The following SYT1 variants were observed in gnomAD, a reference collection of about 807,000 sequenced individuals.
SYT1 encodes the protein synaptotagmin-1.
SYT1 carries 8 observed loss-of-function variants against 44.8 expected under a neutral mutation model. The ratio of observed to expected loss-of-function variants is 0.18; its 90% CI spans 0.10 to 0.32. The LOEUF (loss-of-function observed/expected upper bound fraction) is 0.32. SYT1 is among the 10% of genes least tolerant of loss of function. The probability of loss-of-function intolerance (pLI) is 1.00; values close to 1 mark genes in which losing one functional copy is unlikely to be tolerated. For missense variants in SYT1, 286 were observed against 509.3 expected, an observed-to-expected ratio of 0.56 and a Z score of 4.22; for synonymous variants, 154 against 188.8, an observed-to-expected ratio of 0.82 and a Z score of 1.51.
At chr12:79,045,748 CA>C (rs1250129779) in intron 2 of SYT1, 1 of 152,198 alleles carries the variant, frequency 6.6e-6, no homozygotes, top group African/African-American at 2.4e-5. Context: ...AAAATGAAAT[CA>C]AATCCCCACA....
chr12:78,983,745 G>T (rs1288050188), intron 2 of SYT1, among the ~76,000 whole-genome samples: 1 of 151,970 alleles, frequency 6.6e-6, no homozygotes, highest in African/African-American at 2.4e-5. Flanking sequence ...AATCTTAAGG[G>T]AACATAAAAA....
rs143830141 is a variant in SYT1, at chr12:78,961,568, A to G, written c.-216-16231A>G. ...AGGAGAAGATTTTATCTTTGTAACTATGTCTCCTATAGTAGGTTGATATTT... is the reference window on the plus strand; with the variant it reads ...AGGAGAAGATTTTATCTTTGTAACTGTGTCTCCTATAGTAGGTTGATATTT... On this transcript the variant is annotated intron_variant, in intron 1 of 10. Transcript: ENST00000261205. 3.9e-3 allele frequency among the ~76,000 whole-genome samples: 600 copies of G among 152,100 alleles called. 3 individuals carry two copies. Among genetic ancestry groups the G allele is most frequent in the African/African-American group, 0.014 (571 of 41,514 alleles).
rs555149330 is a variant in SYT1, at chr12:79,183,662, C to T, written c.-17-33841C>T. On this transcript the variant is annotated intron_variant, in intron 3 of 10. Coordinates refer to ENST00000261205, the MANE Select transcript of SYT1 (RefSeq NM_005639.3). ...CCACAGCCCCTCTCCTCCCTCTTACCGTATAGATGGTCCTTTCAAGCTAAT... is the reference window on the plus strand; with the variant it reads ...CCACAGCCCCTCTCCTCCCTCTTACTGTATAGATGGTCCTTTCAAGCTAAT... Among the ~76,000 whole-genome samples the T allele has an allele frequency of 1.4e-4, 21 of 152,138 alleles. No individual in the cohort carries two copies. In the East Asian group the frequency reaches 2.7e-3, roughly 20 times the overall value.
Position 79,450,408 on chromosome 12 carries a change from A to T in SYT1, c.*1284A>T, listed in dbSNP as rs1261414859. 2 of 152,650 alleles carry T rather than the reference A, an allele frequency of 1.3e-5. No homozygotes were observed. The highest frequency in any genetic ancestry group is 4.8e-5 in the African/African-American group (2 of 41,454). 9.5% of individuals were successfully genotyped at this position (152,650 alleles called of 1,614,324 possible). On this transcript the variant is annotated 3_prime_UTR_variant, in exon 11 of 11. Coordinates refer to ENST00000261205, the MANE Select transcript of SYT1 (RefSeq NM_005639.3). Reference sequence around the variant, plus strand: ...AAGTTTTAATTTGTCCTTTAAAAAAAGGTGAAACAAACCAAGAACAAGTTC... The same window carrying T: ...AAGTTTTAATTTGTCCTTTAAAAAATGGTGAAACAAACCAAGAACAAGTTC...
intron 3 of SYT1, among the ~76,000 whole-genome samples, chr12:79,050,989 A>T (rs1156328557): frequency 6.6e-6 from 1 of 151,970 alleles, no homozygotes; most frequent in Non-Finnish European, 1.5e-5. Flanking sequence ...TATCATTTAT[A>T]TATGGCCTGA....
intron 1 of SYT1, among the ~76,000 whole-genome samples, chr12:78,896,331 A>T (rs1216107592): frequency 6.6e-6 from 1 of 151,832 alleles, no homozygotes; most frequent in African/African-American, 2.4e-5. Context: ...TGGAAGAAAG[A>T]ATATATGGAA....
intron 9 of SYT1, among the ~76,000 whole-genome samples, chr12:79,437,872 A>T (rs1467131475): frequency 2.6e-5 from 4 of 152,186 alleles, no homozygotes; most frequent in Non-Finnish European, 5.9e-5. Context: ...TGTTAAAATA[A>T]TGTCAAATCT....
chr12:79,063,561 A>G (rs1426118133), intron 3 of SYT1, among the ~76,000 whole-genome samples: 1 of 152,116 alleles, frequency 6.6e-6, no homozygotes, highest in Non-Finnish European at 1.5e-5. Context: ...TCATTTACAC[A>G]TAAGTGGAGG....
At chr12:79,335,737 C>A (rs780754825) in intron 8 of SYT1, among the ~76,000 whole-genome samples, 1 of 152,202 alleles carries the variant, frequency 6.6e-6, no homozygotes, top group Admixed American at 6.5e-5. Context: ...CTCATGCTAC[C>A]TTTTCCTTAT....
chr12:78,969,301 T>A (rs1592615954), intron 1 of SYT1, among the ~76,000 whole-genome samples: 1 of 152,144 alleles, frequency 6.6e-6, no homozygotes, highest in African/African-American at 2.4e-5. Context: ...CCCCAATAGA[T>A]ACTGAGGAAT....
At chr12:78,975,284 T>C (rs1007248314) in intron 1 of SYT1, among the ~76,000 whole-genome samples, 2 of 152,182 alleles carry the variant, frequency 1.3e-5, no homozygotes, top group Non-Finnish European at 2.9e-5. Context: ...TTATACTCTG[T>C]ATATTTATCA....
chr12:79,299,563 A>T lies in SYT1; in HGVS notation c.810+12A>T, dbSNP rs1880034715. 1.9e-6 allele frequency: 3 copies of T among 1,609,812 alleles called. No individual in the cohort carries two copies. The highest frequency in any genetic ancestry group is 2.5e-6 in the Non-Finnish European group (3 of 1,178,428). On this transcript the variant is annotated intron_variant, in intron 8 of 10. Coordinates refer to ENST00000261205, the MANE Select transcript of SYT1 (RefSeq NM_005639.3). ...CTGAGAAGGAAGAGGTAAGGGAATT[A>T]CTAGCATTTCTAACATCACAAGCTG...
chr12:78,910,328 A>G (rs943318073), intron 1 of SYT1, among the ~76,000 whole-genome samples: 1 of 151,962 alleles, frequency 6.6e-6, no homozygotes, highest in African/African-American at 2.4e-5. Context: ...TAGTTCTTAT[A>G]GTTCCTTTAT....
intron 1 of SYT1, among the ~76,000 whole-genome samples, chr12:78,872,479 C>A (rs1327934189): frequency 1.3e-5 from 2 of 151,714 alleles, no homozygotes; most frequent in Admixed American, 6.6e-5. Flanking sequence ...AAGCATATTA[C>A]ACCTCACAGC....
At chr12:79,291,890 G>C in intron 5 of SYT1, 118 bp from the exon 6 acceptor site, 1 of 1,232,218 alleles carries the variant, frequency 8.1e-7, no homozygotes, top group Non-Finnish European at 1.2e-6. Flanking sequence ...CAGACAAACA[G>C]ATTTCCAGCA....
At chr12:79,244,564 T>C (rs1368387838) in intron 4 of SYT1, among the ~76,000 whole-genome samples, 1 of 151,750 alleles carries the variant, frequency 6.6e-6, no homozygotes, top group Non-Finnish European at 1.5e-5. Context: ...AATTAGCCAG[T>C]CATGGTGGTG....
rs1021657454 is a variant in SYT1, at chr12:79,180,703, C to T, written c.-17-36800C>T. Among the ~76,000 whole-genome samples the T allele has an allele frequency of 3.9e-5, 6 of 152,128 alleles. No homozygotes were observed. The East Asian group carries it at 1.2e-3, about 30-fold the overall frequency. ...AATGAGCAGATCTCAAGAAAATGAA[C>T]TCACTATCATGAGGACAGTATCAAG... On this transcript the variant is annotated intron_variant, in intron 3 of 10. Transcript: ENST00000261205.
At chr12:79,221,690 C>T (rs563886607) in intron 4 of SYT1, among the ~76,000 whole-genome samples, 1 of 152,092 alleles carries the variant, frequency 6.6e-6, no homozygotes, top group African/African-American at 2.4e-5. Context: ...CAATTTTACT[C>T]CTCTACTGTC....
At chr12:79,403,315 C>A (rs1465046) in intron 9 of SYT1, among the ~76,000 whole-genome samples, 3 of 151,896 alleles carry the variant, frequency 2.0e-5, no homozygotes, top group Non-Finnish European at 4.4e-5. Flanking sequence ...TCTTAAGGAA[C>A]TGGCTCATTC....
Sources: allele counts gnomAD v4.1 joint callset (sites outside exome capture counted in the v4.1 genomes callset), GRCh38; gene constraint gnomAD v4.1.1; transcripts MANE v1.5; gene names NCBI Gene and HGNC (gene_info 2026-07-23, HGNC 2026-07-21).